GALNT15: variants seen among roughly 807,000 people sequenced by gnomAD.
GALNT15 encodes the protein polypeptide N-acetylgalactosaminyltransferase 15.
In GALNT15, 67 loss-of-function variants were observed where a neutral mutation model predicts 66.8. The observed-to-expected ratio is 1.00, with a 90% CI of 0.82 to 1.23. GALNT15 has a LOEUF of 1.23. Among genes scored for constraint, GALNT15 ranks in the 50% most tolerant of loss-of-function variants. GALNT15 has a pLI of 0.00. For synonymous variants in GALNT15, 313 were observed against 311.5 expected (o/e 1.00, Z -0.05); for missense variants, 827 against 804.3 (o/e 1.03, Z -0.34).
Position 16,199,054 on chromosome 3 carries a change from G to A in GALNT15, c.707-1565G>A, listed in dbSNP as rs1244176185. On this transcript the variant is annotated intron_variant, in intron 2 of 9. Transcript: ENST00000339732. ...GGTTAGAGCAGAAGAGATGCATTAG[G>A]TACAACCCCTGTCCTTGGGGAGATC... 5.6e-5 allele frequency among the ~76,000 whole-genome samples: 8 copies of A among 142,486 alleles called. 3 individuals are homozygous for A. The highest frequency in any genetic ancestry group is 2.1e-4 in the African/African-American group (8 of 38,302). The allele number at this position is 142,486 out of a possible 152,430, so 93.5% of individuals were successfully genotyped here.
At chr3:16,190,027 G>C in intron 1 of GALNT15, among the ~76,000 whole-genome samples, 1 of 152,204 alleles carries the variant, frequency 6.6e-6, no homozygotes, top group Non-Finnish European at 1.5e-5. Context: ...AACATCAGCT[G>C]AACTAACACA....
the GALNT15 span, among the ~76,000 whole-genome samples, chr3:16,247,024 T>C: frequency 8.2e-4 from 124 of 152,112 alleles, no homozygotes; most frequent in African/African-American, 2.9e-3. Flanking sequence ...ATAAATACAT[T>C]TGCACAGAGT....
At chr3:16,233,717 A>G (rs1222687027), downstream of GALNT15, among the ~76,000 whole-genome samples, 3 of 151,984 alleles carry the variant, frequency 2.0e-5, no homozygotes, top group Non-Finnish European at 4.4e-5. Flanking sequence ...ACCAGTTTCA[A>G]CTGACTAATC....
intron 3 of GALNT15, among the ~76,000 whole-genome samples, chr3:16,201,510 A>G (rs1344986803): frequency 6.6e-6 from 1 of 152,094 alleles, no homozygotes; most frequent in African/African-American, 2.4e-5. Flanking sequence ...TCAAGCTTGT[A>G]ACATAACCTG....
chr3:16,237,185 C>A, the GALNT15 span, among the ~76,000 whole-genome samples: 1 of 152,188 alleles, frequency 6.6e-6, no homozygotes, highest in Non-Finnish European at 1.5e-5. This position sits in a 1 kb window ranked among gnomAD's most constrained non-coding sequence, Gnocchi z 4.2. Flanking sequence ...CTTCAAAACA[C>A]AAATGGTAGA....
At position 16,183,811 on chromosome 3, in the gene GALNT15, C is replaced by T. The variant is rs1018437533; in HGVS notation, c.539+8121C>T. Among the ~76,000 whole-genome samples, 2 of 152,104 alleles carry T rather than the reference C, an allele frequency of 1.3e-5. No homozygotes were observed. The highest frequency in any genetic ancestry group is 6.8e-3 in the Middle Eastern group (2 of 294). ...GAGGGAGGGAAGAGCGTCAGTACTA[C>T]AGCCAGGCCATCTGGTGCAATGCTG... On this transcript the variant is annotated intron_variant, in intron 1 of 9. Transcript: ENST00000339732. This position sits in a 1 kb window ranked among gnomAD's most constrained non-coding sequence, Gnocchi z 5.2.
chr3:16,225,523 C>T lies in GALNT15; in HGVS notation c.1774-1831C>T, dbSNP rs1270542648. Among the ~76,000 whole-genome samples the T allele has an allele frequency of 6.7e-6, 1 of 149,710 alleles. No individual in the cohort carries two copies. Among genetic ancestry groups the T allele is most frequent in the East Asian group, 2.0e-4 (1 of 4,926 alleles). ...CAGCCTGGCCAATATGGTGAAACCC[C>T]GTTTCTACTAAAAACACAAAAACTA... On this transcript the variant is annotated intron_variant, in intron 9 of 9. Transcript: ENST00000339732. The surrounding 1 kb of genome is among the most constrained non-coding windows in gnomAD (Gnocchi z 4.4).
chr3:16,222,301 T>C (rs1259735281), intron 8 of GALNT15, among the ~76,000 whole-genome samples: 2 of 152,178 alleles, frequency 1.3e-5, no homozygotes, highest in African/African-American at 4.8e-5. Context: ...CATCTGTGCT[T>C]TCAACAGTAT....
downstream of GALNT15, chr3:16,231,707 T>C: frequency 5.9e-6 from 6 of 1,019,484 alleles, no homozygotes; most frequent in Non-Finnish European, 7.3e-6. The surrounding 1 kb of genome is among the most constrained non-coding windows in gnomAD (Gnocchi z 4.1). Flanking sequence ...TAGCTCATAG[T>C]CAATGGACAT....
intron 9 of GALNT15, among the ~76,000 whole-genome samples, chr3:16,223,082 C>A (rs538692762): frequency 6.6e-6 from 1 of 152,090 alleles, no homozygotes; most frequent in Non-Finnish European, 1.5e-5. Flanking sequence ...TTACAAGGAA[C>A]GTTCAGCCAC....
chr3:16,187,736 C>T lies in GALNT15; in HGVS notation c.540-8024C>T, dbSNP rs1362644508. On this transcript the variant is annotated intron_variant, in intron 1 of 9. Transcript: ENST00000339732. The surrounding 1 kb of genome is among the most constrained non-coding windows in gnomAD (Gnocchi z 5.1). ...CAGATATGTTGTGACCATCTTTGCA[C>T]ACATGAAAATTCCTATTTCAAAGGG... 6.6e-6 allele frequency among the ~76,000 whole-genome samples: 1 copy of T among 152,128 alleles called. No individual in the cohort carries two copies. The highest frequency in any genetic ancestry group is 2.4e-5 in the African/African-American group (1 of 41,394).
chr3:16,232,472 ATATATAT>A, downstream of GALNT15, among the ~76,000 whole-genome samples: 1 of 35,068 alleles, frequency 2.9e-5, no homozygotes, highest in African/African-American at 1.1e-4. Flanking sequence ...ATAAATAAAT[ATATATAT>A]ATATATATAT....
At position 16,176,856 on chromosome 3, in the gene GALNT15, T is replaced by G. The variant is rs1364038516; in HGVS notation, c.539+1166T>G. Among the ~76,000 whole-genome samples the G allele has an allele frequency of 6.6e-6, 1 of 152,172 alleles. No individual in the cohort carries two copies. The highest frequency in any genetic ancestry group is 1.5e-5 in the Non-Finnish European group (1 of 68,024). ...AGCCTGGCTGCTCAGCCACTCACAC[T>G]CGAGGGTGTGCAATTGCAGGGTCAG... On this transcript the variant is annotated intron_variant, in intron 1 of 9. Coordinates refer to ENST00000339732, the MANE Select transcript of GALNT15 (RefSeq NM_054110.5). The surrounding 1 kb of genome is among the most constrained non-coding windows in gnomAD (Gnocchi z 5.6).
intron 9 of GALNT15, among the ~76,000 whole-genome samples, chr3:16,223,103 T>A (rs1278038376): frequency 6.6e-6 from 1 of 152,098 alleles, no homozygotes; most frequent in African/African-American, 2.4e-5. Flanking sequence ...CTTGGTGGTG[T>A]GGTTTTAGGA....
the GALNT15 span, among the ~76,000 whole-genome samples, chr3:16,246,516 G>C: frequency 4.3e-3 from 650 of 152,058 alleles, 3 homozygotes; most frequent in African/African-American, 0.015. Flanking sequence ...AGTAGAGACG[G>C]TTTCACCATG....
chr3:16,227,428 C>T lies in GALNT15; in HGVS notation c.1848C>T (p.Tyr616=). The change falls in exon 10 of 10, where the codon TAC becomes TAT. Residue 616 remains tyrosine (Y), a synonymous_variant. Transcript: ENST00000339732. This position sits in a 1 kb window ranked among gnomAD's most constrained non-coding sequence, Gnocchi z 4.5. The stretch of plus-strand genomic sequence containing the variant: ...TGCAAGAAAACAATAAAGATTTGTA[C>T]CTGCGTCCGTGTGATGGAAAAGCCC... ...AVVQENNKDL[Y]LRPCDGKARQ... The T allele has an allele frequency of 6.2e-7, 1 of 1,614,030 alleles. No homozygotes were observed.
rs1382435707 is a variant in GALNT15, at chr3:16,224,220, G to A, written c.1773+1462G>A. Among the ~76,000 whole-genome samples the A allele has an allele frequency of 1.3e-5, 2 of 152,118 alleles. No individual in the cohort carries two copies. Among genetic ancestry groups the A allele is most frequent in the African/African-American group, 4.8e-5 (2 of 41,406 alleles). On this transcript the variant is annotated intron_variant, in intron 9 of 9. Coordinates refer to ENST00000339732, the MANE Select transcript of GALNT15 (RefSeq NM_054110.5). The surrounding 1 kb of genome is among the most constrained non-coding windows in gnomAD (Gnocchi z 5.2). Reference sequence around the variant, plus strand: ...TCATTCAGCCAGAAAAAGGAATGAGGTACTATTCATAGTGGCACTGTTGAC... The same window carrying A: ...TCATTCAGCCAGAAAAAGGAATGAGATACTATTCATAGTGGCACTGTTGAC...
downstream of GALNT15, chr3:16,232,128 G>A (rs2064087771): frequency 2.0e-6 from 1 of 497,930 alleles, no homozygotes; most frequent in South Asian, 2.3e-5. Flanking sequence ...CAAACCATAT[G>A]GCTATAGTGG....
chr3:16,175,647 C>G lies in GALNT15; in HGVS notation c.496C>G (p.Arg166Gly). Reference protein sequence around the residue: ...PRGLQEALSARIPLQRALPEV... With the variant: ...PRGLQEALSAGIPLQRALPEV... ...TGGCCTCCAGGAGGCACTCAGTGCC[C>G]GCATCCCCCTCCAGAGGGCTCTGCC... The change falls in exon 1 of 10, where the codon CGC (arginine) becomes GGC (glycine). Residue 166 changes from arginine to glycine, a missense_variant. Coordinates refer to ENST00000339732, the MANE Select transcript of GALNT15 (RefSeq NM_054110.5). The surrounding 1 kb of genome is among the most constrained non-coding windows in gnomAD (Gnocchi z 5.6). The G allele has an allele frequency of 2.5e-6, 4 of 1,610,936 alleles. No homozygotes were observed. Among genetic ancestry groups the G allele is most frequent in the Non-Finnish European group, 2.5e-6 (3 of 1,178,876 alleles).
Sources: gnomAD v4.1 joint callset for allele counts (sites outside exome capture counted in the v4.1 genomes callset) on GRCh38, gnomAD v4.1.1 for gene constraint, Gnocchi (gnomAD v3.1) non-coding constraint, MANE v1.5 for transcripts, NCBI Gene and HGNC (gene_info 2026-07-23, HGNC 2026-07-21) for gene names.